Variants in MPHOSPH10 observed in about 807,000 individuals in gnomAD.
The protein encoded by MPHOSPH10 is M-phase phosphoprotein 10.
In MPHOSPH10, 33 loss-of-function variants were observed where a neutral mutation model predicts 77.3. That is an observed-to-expected ratio of 0.43 (90% confidence interval 0.32 to 0.57). MPHOSPH10 has a LOEUF of 0.57. Ranked by LOEUF, MPHOSPH10 falls within the 20% of genes least tolerant of loss-of-function variation. MPHOSPH10 has a pLI of 0.07. For missense variants in MPHOSPH10, 708 were observed against 780.1 expected (o/e 0.91, Z 1.10); for synonymous variants, 245 against 268.0 (o/e 0.91, Z 0.84).
chr2:71,141,402 T>C, intron 7 of MPHOSPH10, 33 bp downstream of exon 7: 1 of 1,444,486 alleles, frequency 6.9e-7, no homozygotes, highest in South Asian at 1.6e-5. Context: ...GCCATTATTA[T>C]TAAAGAAATA....
At chr2:71,138,754 G>T in intron 5 of MPHOSPH10, 123 bp downstream of exon 5, 1 of 1,352,636 alleles carries the variant, frequency 7.4e-7, no homozygotes. Context: ...TAAACACATG[G>T]CTTGGCATGG....
intron 4 of MPHOSPH10, among the ~76,000 whole-genome samples, chr2:71,138,272 A>G (rs1295299012): frequency 4.6e-5 from 7 of 152,198 alleles, no homozygotes; most frequent in Admixed American, 2.0e-4. Context: ...TATTATAAAC[A>G]TGGCATTTTA....
At chr2:71,132,783 C>T in intron 1 of MPHOSPH10, 115 bp from the exon 2 acceptor site, 1 of 1,341,838 alleles carries the variant, frequency 7.5e-7, no homozygotes, top group Non-Finnish European at 1.0e-6. Context: ...AGAATCTATA[C>T]TTATACTTCA....
chr2:71,134,148 C>T, intron 3 of MPHOSPH10, 43 bp downstream of exon 3: 2 of 1,562,104 alleles, frequency 1.3e-6, no homozygotes, highest in African/African-American at 1.4e-5. Context: ...GCTGGAATTG[C>T]CCAATCATGT....
chr2:71,146,928 T>C (rs1357233072), intron 8 of MPHOSPH10, among the ~76,000 whole-genome samples: 1 of 152,226 alleles, frequency 6.6e-6, no homozygotes, highest in African/African-American at 2.4e-5. Flanking sequence ...GCAGGATCAG[T>C]ATGAAACCTG....
chr2:71,144,354 A>C, intron 7 of MPHOSPH10, 74 bp from the exon 8 acceptor site: 1 of 1,100,588 alleles, frequency 9.1e-7, no homozygotes, highest in Non-Finnish European at 1.3e-6. Flanking sequence ...AAATACTCTC[A>C]TTGACCTTTA....
At chr2:71,142,056 A>G (rs1016882125) in intron 7 of MPHOSPH10, among the ~76,000 whole-genome samples, 3 of 152,052 alleles carry the variant, frequency 2.0e-5, no homozygotes, top group African/African-American at 7.2e-5. Context: ...AGAAAGGAAG[A>G]AATCGCTGGT....
chr2:71,133,297 C>G lies in MPHOSPH10; in HGVS notation c.489C>G (p.Ser163Arg). 3 of 1,614,062 alleles carry G rather than the reference C, an allele frequency of 1.9e-6. No homozygotes were observed. In the South Asian group the frequency reaches 3.3e-5, roughly 18 times the overall value. ...ENSSKSDLRK[S>R]PVFSDEDSDL... ...CAAGCAAATCTGATCTGAGGAAAAG[C>G]CCCGTTTTCAGTGATGAGGATTCTG... Residue 163 changes from serine (S) to arginine (R), a missense_variant, in exon 2 of 11, where the codon AGC becomes AGG. Transcript: ENST00000244230.
intron 8 of MPHOSPH10, among the ~76,000 whole-genome samples, chr2:71,145,983 T>C (rs968284100): frequency 1.3e-5 from 2 of 152,238 alleles, no homozygotes; most frequent in Admixed American, 1.3e-4. Context: ...ACCACTTGGC[T>C]CCTTTTCCTC....
intron 1 of MPHOSPH10, 133 bp from the exon 2 acceptor site, chr2:71,132,765 T>C: frequency 8.3e-7 from 1 of 1,200,496 alleles, no homozygotes; most frequent in Non-Finnish European, 1.1e-6. Context: ...TATATGTTGT[T>C]GGGGGCCAGA....
intron 1 of MPHOSPH10, 184 bp downstream of exon 1, chr2:71,130,938 G>C (rs1188623265): frequency 1.7e-6 from 1 of 594,798 alleles, no homozygotes; most frequent in East Asian, 3.0e-5. Flanking sequence ...AATTTGTATA[G>C]ATGGATCTCT....
At chr2:71,149,833 T>C in intron 10 of MPHOSPH10, 33 bp from the exon 11 acceptor site, 1 of 1,500,128 alleles carries the variant, frequency 6.7e-7, no homozygotes, top group Non-Finnish European at 8.8e-7. Context: ...AAGTACATTT[T>C]ACAGCATAAG....
At chr2:71,139,962 C>T in intron 6 of MPHOSPH10, 100 bp downstream of exon 6, 1 of 861,766 alleles carries the variant, frequency 1.2e-6, no homozygotes. Flanking sequence ...TTTATTTTCA[C>T]TTAGTGTTCA....
intron 7 of MPHOSPH10, among the ~76,000 whole-genome samples, chr2:71,143,378 G>A (rs1442302825): frequency 6.6e-6 from 1 of 151,882 alleles, no homozygotes; most frequent in Non-Finnish European, 1.5e-5. Context: ...TGATCCTCCC[G>A]CCTCGGCCTC....
At chr2:71,146,181 T>G (rs911193482) in intron 8 of MPHOSPH10, among the ~76,000 whole-genome samples, 1 of 152,220 alleles carries the variant, frequency 6.6e-6, no homozygotes, top group African/African-American at 2.4e-5. Context: ...TATGTGTCTA[T>G]GTGCCCAAAT....
chr2:71,138,533 A>G lies in MPHOSPH10; in HGVS notation c.1142A>G (p.Lys381Arg). The G allele has an allele frequency of 3.1e-6, 5 of 1,601,110 alleles. No homozygotes were observed. The highest frequency in any genetic ancestry group is 2.6e-6 in the Non-Finnish European group (3 of 1,176,036). Residue 381 changes from lysine to arginine, a missense_variant, in exon 5 of 11, where the codon AAA becomes AGA. Around this residue, in one of 3 missense-constraint regions of MPHOSPH10, gnomAD observed 433 missense variants for 432.6 expected, o/e 1.00. Transcript: ENST00000244230. ...IASLEKELLEKKPWQLQGEVT... is the reference protein window; with the variant it reads ...IASLEKELLERKPWQLQGEVT... ...TCTTTAGAAAAAGAGTTGTTAGAAAAAAAGCCGTGGCAGCTTCAGGGGGAA... is the reference window on the plus strand; with the variant it reads ...TCTTTAGAAAAAGAGTTGTTAGAAAGAAAGCCGTGGCAGCTTCAGGGGGAA...
At chr2:71,140,716 A>G (rs1673594079) in intron 6 of MPHOSPH10, among the ~76,000 whole-genome samples, 1 of 152,216 alleles carries the variant, frequency 6.6e-6, no homozygotes, top group Non-Finnish European at 1.5e-5. Context: ...ACTTAGATAT[A>G]TGGCATGTAC....
intron 7 of MPHOSPH10, among the ~76,000 whole-genome samples, chr2:71,143,281 T>C (rs1673644996): frequency 6.6e-6 from 1 of 151,684 alleles, no homozygotes; most frequent in East Asian, 1.9e-4. Context: ...AACAGGCACA[T>C]GCCACCAAGC....
chr2:71,132,763 G>T, intron 1 of MPHOSPH10, 135 bp from the exon 2 acceptor site: 1 of 1,187,980 alleles, frequency 8.4e-7, no homozygotes, highest in Non-Finnish European at 1.2e-6. Context: ...CTTATATGTT[G>T]TTGGGGGCCA....
Sources: gnomAD v4.1 joint callset for allele counts (sites outside exome capture counted in the v4.1 genomes callset) on GRCh38, gnomAD v4.1.1 for gene constraint, gnomAD v4.1.1 regional missense constraint, MANE v1.5 for transcripts, NCBI Gene and HGNC (gene_info 2026-07-23, HGNC 2026-07-21) for gene names.